Variants in ZNF711 observed in about 807,000 individuals in gnomAD.
ZNF711 encodes zinc finger protein 711.
A neutral mutation model predicts 43.5 loss-of-function variants in ZNF711; 3 were observed. The observed-to-expected ratio is 0.07, with a 90% CI of 0.03 to 0.18. The LOEUF (loss-of-function observed/expected upper bound fraction) is 0.18. ZNF711 is among the 10% of genes least tolerant of loss of function. The pLI, the probability that ZNF711 is intolerant of heterozygous loss-of-function variation, is 1.00. For synonymous variants in ZNF711, 209 were observed against 207.7 expected (o/e 1.01, Z -0.06); for missense variants, 412 against 604.0 (o/e 0.68, Z 3.33).
chrX:85,256,750 A>ATGT (rs200774549), intron 5 of ZNF711, among the ~76,000 whole-genome samples: 23,682 of 110,740 alleles, frequency 0.21, 2,439 homozygotes, highest in African/African-American at 0.4. Context: ...AAAGTTTAGC[A>ATGT]TAACTTTTTT....
chrX:85,253,750 C>T (rs1929754667), intron 4 of ZNF711, among the ~76,000 whole-genome samples: 2 of 100,878 alleles, frequency 2.0e-5, no homozygotes, highest in Admixed American at 2.2e-4. Flanking sequence ...ATATGCTATC[C>T]CTGTGTGTTC....
At chrX:85,270,515 A>AT (rs1460912594) in intron 10 of ZNF711, 136 bp from the exon 11 acceptor site, 1 of 595,925 alleles carries the variant, frequency 1.7e-6, no homozygotes, top group Non-Finnish European at 2.7e-6. Flanking sequence ...TTTATTATGT[A>AT]TTTTTTATAT....
chrX:85,268,843 A>C (rs1231001670), intron 9 of ZNF711, among the ~76,000 whole-genome samples: 5 of 111,145 alleles, frequency 4.5e-5, no homozygotes, highest in African/African-American at 1.6e-4. Flanking sequence ...AAGTTTTCTT[A>C]AGCAAGGAGA....
chrX:85,255,222 T>C, intron 4 of ZNF711, 37 bp from the exon 5 acceptor site: 1 of 1,167,822 alleles, frequency 8.6e-7, no homozygotes, highest in African/African-American at 1.8e-5. Flanking sequence ...ATTAATAAAA[T>C]AACTTTACCT....
intron 4 of ZNF711, among the ~76,000 whole-genome samples, chrX:85,253,049 A>T (rs1251578968): frequency 8.9e-6 from 1 of 112,265 alleles, no homozygotes; most frequent in Non-Finnish European, 1.9e-5. Flanking sequence ...ATTTATTATA[A>T]CCAGATCCAC....
rs777967143 is a variant in ZNF711, at chrX:85,271,278, G to A, written c.1874G>A (p.Arg625His). 14 of 1,208,095 alleles carry A rather than the reference G, an allele frequency of 1.2e-5. No individual in the cohort carries two copies. The East Asian group carries it at 1.5e-4, about 13-fold the overall frequency. The change falls in exon 11 of 11, where the codon CGC becomes CAC. Residue 625 changes from arginine (R) to histidine (H), a missense_variant. This residue lies in a region of ZNF711 where 375 missense variants were observed against 514.2 expected (regional missense o/e 0.73). Transcript: ENST00000674551. ...QAFGDERELQ[R>H]HLDLFQGHKT... is the part of the protein sequence containing the mutation. The stretch of plus-strand genomic sequence containing the variant: ...TTTGGTGATGAGAGGGAGCTTCAAC[G>A]CCATCTGGATTTGTTTCAAGGACAT...
At chrX:85,266,501 CT>C in intron 7 of ZNF711, among the ~76,000 whole-genome samples, 1 of 110,446 alleles carries the variant, frequency 9.1e-6, no homozygotes. Flanking sequence ...AAGAGGGATA[CT>C]TTTTTCCCAT....
At chrX:85,268,775 A>AT (rs771397939) in intron 9 of ZNF711, among the ~76,000 whole-genome samples, 45 of 110,844 alleles carry the variant, frequency 4.1e-4, no homozygotes, top group African/African-American at 1.3e-3. Flanking sequence ...TGTCAGCTTA[A>AT]TTTTTTTTAG....
chrX:85,268,413 C>G lies in ZNF711; in HGVS notation c.1102+72C>G, dbSNP rs908528436. 4 of 1,103,998 alleles carry G rather than the reference C, an allele frequency of 3.6e-6. No homozygotes were observed. In the Admixed American group the frequency reaches 9.4e-5, roughly 26 times the overall value. The allele number at this position is 1,103,998 out of a possible 1,213,427, so 91.0% of individuals were successfully genotyped here. A position where few individuals can be genotyped will look rare whatever the true frequency, so the allele number is the denominator to read the frequency against. ...TTTTATTTTACTGCTTGGTAAGTAA[C>G]AAGTTTGTGTCTACAGACACATTTG... On this transcript the variant is annotated intron_variant, in intron 9 of 10. Coordinates refer to ENST00000674551, the MANE Select transcript of ZNF711 (RefSeq NM_001330574.2).
intron 7 of ZNF711, 76 bp downstream of exon 7, chrX:85,265,331 G>A: frequency 9.4e-7 from 1 of 1,058,600 alleles, no homozygotes; most frequent in African/African-American, 1.8e-5. Flanking sequence ...AGAGATACAA[G>A]CACTGTATAG....
intron 4 of ZNF711, among the ~76,000 whole-genome samples, chrX:85,252,980 A>G (rs1056171000): frequency 2.7e-5 from 3 of 112,115 alleles, no homozygotes; most frequent in African/African-American, 9.7e-5. Flanking sequence ...ACACTCTTTC[A>G]GGTACTACTT....
At chrX:85,258,682 T>C (rs1930386841) in intron 5 of ZNF711, among the ~76,000 whole-genome samples, 1 of 110,810 alleles carries the variant, frequency 9.0e-6, no homozygotes, top group Non-Finnish European at 1.9e-5. Flanking sequence ...ATTTTTTTCC[T>C]ATGTTTGTTG....
intron 4 of ZNF711, among the ~76,000 whole-genome samples, chrX:85,250,207 G>A (rs59226226): frequency 0.081 from 8,999 of 111,574 alleles, 796 homozygotes; most frequent in African/African-American, 0.26. Context: ...CTTTGGAGGC[G>A]TGTGACAGTA....
At chrX:85,257,153 T>A (rs1032599936) in intron 5 of ZNF711, among the ~76,000 whole-genome samples, 3 of 112,236 alleles carry the variant, frequency 2.7e-5, no homozygotes, top group Non-Finnish European at 5.6e-5. Context: ...TTTTGATAAC[T>A]ACCTCATATA....
rs374274360 is a variant in ZNF711, at chrX:85,251,503, G to C, written c.80-3756G>C. Among the ~76,000 whole-genome samples, 13 of 111,346 alleles carry C rather than the reference G, an allele frequency of 1.2e-4. No homozygotes were observed. In the South Asian group the frequency reaches 4.9e-3, roughly 42 times the overall value. Reference sequence around the variant, plus strand: ...TAACAGATTTTATGCTGTCATTCTGGTGATGTTCCAAGTATTCATATTTAA... The same window carrying C: ...TAACAGATTTTATGCTGTCATTCTGCTGATGTTCCAAGTATTCATATTTAA... On this transcript the variant is annotated intron_variant, in intron 4 of 10. Transcript: ENST00000674551.
chrX:85,267,258 C>G lies in ZNF711; in HGVS notation c.917-20C>G. ...TTAAATATTTGGGGTTATAAACAAG[C>G]AATTATTTCTAAAATTTAGGTTGCG... is the stretch of plus-strand genomic sequence containing the variant. On this transcript the variant is annotated intron_variant, in intron 7 of 10. Coordinates refer to ENST00000674551, the MANE Select transcript of ZNF711 (RefSeq NM_001330574.2). The G allele has an allele frequency of 9.1e-7, 1 of 1,093,241 alleles. No homozygotes were observed. Among genetic ancestry groups the G allele is most frequent in the Non-Finnish European group, 1.2e-6 (1 of 839,430 alleles). The allele number at this position is 1,093,241 out of a possible 1,213,427, so 90.1% of individuals were successfully genotyped here. A position where few individuals can be genotyped will look rare whatever the true frequency, so the allele number is the denominator to read the frequency against.
chrX:85,250,285 TGAG>T (rs754960400), intron 4 of ZNF711, among the ~76,000 whole-genome samples: 1 of 111,487 alleles, frequency 9.0e-6, no homozygotes, highest in East Asian at 2.8e-4. Flanking sequence ...TCATTTGAAT[TGAG>T]GAGAATATAT....
chrX:85,257,324 C>T (rs1025614212), intron 5 of ZNF711, among the ~76,000 whole-genome samples: 1 of 110,921 alleles, frequency 9.0e-6, no homozygotes, highest in African/African-American at 3.3e-5. Context: ...CCCACTCCCT[C>T]CCTCCCACCT....
chrX:85,261,845 A>G (rs750504957), intron 5 of ZNF711, among the ~76,000 whole-genome samples: 39 of 111,072 alleles, frequency 3.5e-4, no homozygotes, highest in Middle Eastern at 9.3e-3. Flanking sequence ...ACAACAAGCA[A>G]AACATTTAAG....
Sources: allele counts gnomAD v4.1 joint callset (sites outside exome capture counted in the v4.1 genomes callset), GRCh38; gene constraint gnomAD v4.1.1; regional missense constraint gnomAD v4.1.1; transcripts MANE v1.5; gene names NCBI Gene and HGNC (gene_info 2026-07-23, HGNC 2026-07-21).